Variants in DIAPH3 observed in about 807,000 individuals in gnomAD.
DIAPH3 encodes the protein diaphanous related formin 3.
A neutral mutation model predicts 144.3 loss-of-function variants in DIAPH3; 117 were observed. That is an observed-to-expected ratio of 0.81 (90% CI 0.70 to 0.95). DIAPH3 has a LOEUF of 0.95. Among genes scored for constraint, DIAPH3 ranks in the 40% least tolerant of loss-of-function variants. The probability of loss-of-function intolerance (pLI) is 0.00; values close to 1 mark genes in which losing one functional copy is unlikely to be tolerated. For missense variants in DIAPH3, 1,421 were observed against 1,412.7 expected (o/e 1.01, Z -0.09); for synonymous variants, 519 against 488.9 (o/e 1.06, Z -0.81).
intron 22 of DIAPH3, among the ~76,000 whole-genome samples, chr13:59,859,327 C>G (rs564144849): frequency 6.6e-6 from 1 of 151,998 alleles, no homozygotes; most frequent in South Asian, 2.1e-4. Flanking sequence ...AACCCCAGAA[C>G]GCCCTGCTGA....
chr13:60,033,902 A>T (rs907545354), intron 5 of DIAPH3, among the ~76,000 whole-genome samples: 12 of 152,228 alleles, frequency 7.9e-5, no homozygotes, highest in African/African-American at 2.9e-4. Flanking sequence ...TTTCTGAATG[A>T]TAAAAATTAA....
At chr13:59,861,725 A>G (rs962459578) in intron 21 of DIAPH3, among the ~76,000 whole-genome samples, 189 bp from the exon 22 acceptor site, 29 of 152,214 alleles carry the variant, frequency 1.9e-4, no homozygotes, top group African/African-American at 6.3e-4. Context: ...GGTGAAAATC[A>G]TTATTTGTCG....
chr13:59,778,950 A>T (rs141976696), intron 25 of DIAPH3, among the ~76,000 whole-genome samples: 1 of 152,238 alleles, frequency 6.6e-6, no homozygotes, highest in African/African-American at 2.4e-5. Context: ...TTTTTTGCTC[A>T]AATGGATTTT....
intron 27 of DIAPH3, among the ~76,000 whole-genome samples, chr13:59,671,749 T>C (rs1203169353): frequency 6.6e-6 from 1 of 152,240 alleles, no homozygotes. Context: ...TAATTCTTCA[T>C]AGGATTCTTA....
chr13:59,863,783 G>A (rs1191525923), intron 21 of DIAPH3, among the ~76,000 whole-genome samples: 1 of 152,106 alleles, frequency 6.6e-6, no homozygotes, highest in Non-Finnish European at 1.5e-5. Context: ...ACATAGAGCT[G>A]AGTGTTTTAC....
At chr13:59,899,726 T>A (rs983034237) in intron 20 of DIAPH3, among the ~76,000 whole-genome samples, 2 of 152,242 alleles carry the variant, frequency 1.3e-5, no homozygotes, top group African/African-American at 4.8e-5. Flanking sequence ...AAGAATAGAC[T>A]GTGTTAAATA....
chr13:60,009,270 G>T (rs977733309), intron 8 of DIAPH3, among the ~76,000 whole-genome samples: 2 of 152,190 alleles, frequency 1.3e-5, no homozygotes, highest in African/African-American at 4.8e-5. Flanking sequence ...GCACACTGGA[G>T]AAGCTCACAG....
chr13:59,732,635 G>T (rs1435822392), intron 27 of DIAPH3, among the ~76,000 whole-genome samples: 1 of 151,758 alleles, frequency 6.6e-6, no homozygotes, highest in Non-Finnish European at 1.5e-5. Flanking sequence ...TAGATACAGG[G>T]TTTCACCACA....
chr13:59,706,562 C>T (rs1245609457), intron 27 of DIAPH3, among the ~76,000 whole-genome samples: 1 of 152,174 alleles, frequency 6.6e-6, no homozygotes, highest in African/African-American at 2.4e-5. Context: ...TAATATATTG[C>T]TTAATGTATA....
intron 17 of DIAPH3, among the ~76,000 whole-genome samples, chr13:59,943,120 A>G (rs1187967578): frequency 6.6e-6 from 1 of 152,204 alleles, no homozygotes; most frequent in East Asian, 1.9e-4. Context: ...CCGTTAGCAC[A>G]TTTCCTCTTC....
intron 15 of DIAPH3, among the ~76,000 whole-genome samples, chr13:59,973,518 T>C (rs2050504501): frequency 1.3e-5 from 2 of 152,088 alleles, no homozygotes; most frequent in Admixed American, 1.3e-4. Context: ...GATAGGAGAT[T>C]TTAATTTTTT....
intron 25 of DIAPH3, among the ~76,000 whole-genome samples, chr13:59,782,092 G>GA (rs1186818258): frequency 6.6e-6 from 1 of 150,860 alleles, no homozygotes; most frequent in African/African-American, 2.4e-5. Flanking sequence ...ATAGCAGCAG[G>GA]AAAAAACCAG....
At chr13:59,947,427 G>T (rs928218961) in intron 17 of DIAPH3, among the ~76,000 whole-genome samples, 1 of 152,076 alleles carries the variant, frequency 6.6e-6, no homozygotes, top group Admixed American at 6.6e-5. Flanking sequence ...GAAAAACATT[G>T]ACCCTGTTAC....
intron 25 of DIAPH3, among the ~76,000 whole-genome samples, chr13:59,803,252 G>A (rs373709572): frequency 6.6e-6 from 1 of 152,222 alleles, no homozygotes; most frequent in African/African-American, 2.4e-5. Flanking sequence ...TATGAACAGG[G>A]TGAAATTATG....
chr13:59,725,171 C>G (rs951830283), intron 27 of DIAPH3, among the ~76,000 whole-genome samples: 2 of 152,116 alleles, frequency 1.3e-5, no homozygotes, highest in African/African-American at 4.8e-5. Flanking sequence ...TAGCAATTTG[C>G]TGACTAGAAA....
chr13:59,685,342 AACAG>A (rs750571603), intron 27 of DIAPH3, among the ~76,000 whole-genome samples: 1 of 152,182 alleles, frequency 6.6e-6, no homozygotes, highest in South Asian at 2.1e-4. Context: ...GAGAATCAGA[AACAG>A]ACAAAGAAGA....
intron 1 of DIAPH3, among the ~76,000 whole-genome samples, chr13:60,150,337 A>T (rs957337586): frequency 6.6e-6 from 1 of 152,014 alleles, no homozygotes; most frequent in Admixed American, 6.6e-5. Flanking sequence ...TTTTTCAATT[A>T]AAAAAAACTA....
intron 27 of DIAPH3, among the ~76,000 whole-genome samples, chr13:59,766,704 A>G (rs1195964836): frequency 6.6e-6 from 1 of 152,184 alleles, no homozygotes; most frequent in Admixed American, 6.5e-5. Flanking sequence ...TATGAATGGC[A>G]AAGAAACATA....
chr13:60,028,466 T>G (rs895355996), intron 5 of DIAPH3, among the ~76,000 whole-genome samples: 2 of 152,148 alleles, frequency 1.3e-5, no homozygotes, highest in Non-Finnish European at 2.9e-5. Flanking sequence ...AAACCAGCAT[T>G]TGGGGTTCTC....
Sources: gnomAD v4.1 joint callset for allele counts (sites outside exome capture counted in the v4.1 genomes callset) on GRCh38, gnomAD v4.1.1 for gene constraint, MANE v1.5 for transcripts, NCBI Gene and HGNC (gene_info 2026-07-23, HGNC 2026-07-21) for gene names.